Variants in ZNF723 observed in about 807,000 individuals in gnomAD.
ZNF723 encodes the protein zinc finger protein 723, pseudogene.
In ZNF723, 5 loss-of-function variants were observed where a neutral mutation model predicts 9.4. That is an observed-to-expected ratio of 0.53 (90% CI 0.28 to 1.12). The LOEUF (loss-of-function observed/expected upper bound fraction) is 1.12. ZNF723 is among the 50% of genes most tolerant of loss of function. The pLI, the probability that ZNF723 is intolerant of heterozygous loss-of-function variation, is 0.10. For synonymous variants in ZNF723, 158 were observed against 168.8 expected (o/e 0.94, Z 0.49); for missense variants, 450 against 501.5 (o/e 0.90, Z 0.98).
At chr19:22,844,009 C>T (rs1168637611) in intron 1 of ZNF723, among the ~76,000 whole-genome samples, 1 of 152,168 alleles carries the variant, frequency 6.6e-6, no homozygotes, top group Non-Finnish European at 1.5e-5. Flanking sequence ...TTCAGATTCA[C>T]TCTATTTGGG....
intron 1 of ZNF723, among the ~76,000 whole-genome samples, chr19:22,837,951 A>G (rs1296483734): frequency 1.3e-5 from 2 of 152,116 alleles, no homozygotes; most frequent in Non-Finnish European, 2.9e-5. Flanking sequence ...ACCTGCCTGC[A>G]TGGACCCAGA....
At chr19:22,832,529 C>G (rs1967110128) in intron 1 of ZNF723, 147 bp downstream of exon 1, 1 of 952,792 alleles carries the variant, frequency 1.0e-6, no homozygotes, top group African/African-American at 1.6e-5. Context: ...CAGACACCTT[C>G]AGCGATAAGA....
chr19:22,816,823 C>A, the ZNF723 span, among the ~76,000 whole-genome samples: 1 of 152,248 alleles, frequency 6.6e-6, no homozygotes, highest in Non-Finnish European at 1.5e-5. Context: ...CTGAGTCCAG[C>A]ACCCAGGTGA....
chr19:22,832,840 T>G (rs1004059578), intron 1 of ZNF723, among the ~76,000 whole-genome samples: 5 of 152,206 alleles, frequency 3.3e-5, no homozygotes, highest in African/African-American at 1.2e-4. Context: ...AGCACCCCTA[T>G]GGGTTGTAGT....
chr19:22,824,562 T>C, the ZNF723 span, among the ~76,000 whole-genome samples: 1 of 152,186 alleles, frequency 6.6e-6, no homozygotes, highest in Non-Finnish European at 1.5e-5. Context: ...CGTCTGTTAC[T>C]TGCATGAAAG....
chr19:22,851,346 A>G (rs1316544910), intron 3 of ZNF723, among the ~76,000 whole-genome samples: 1 of 151,764 alleles, frequency 6.6e-6, no homozygotes, highest in Admixed American at 6.6e-5. Flanking sequence ...TAATTTTTCT[A>G]TTTTTAGTAG....
Position 22,858,451 on chromosome 19 carries a change from T to C in ZNF723, c.*18T>C. On this transcript the variant is annotated 3_prime_UTR_variant, in exon 4 of 4. Coordinates refer to ENST00000600766, the MANE Select transcript of ZNF723 (RefSeq NM_001349726.2). ...AGATGTGACAATGCTTTTTATGAAA[T>C]CCCAAACTTTTTTAAACATAAAAGA... 1.5e-6 allele frequency: 1 copy of C among 653,810 alleles called. No homozygotes were observed. 40.5% of individuals were successfully genotyped at this position (653,810 alleles called of 1,614,324 possible).
the ZNF723 span, among the ~76,000 whole-genome samples, chr19:22,820,517 T>G: frequency 6.6e-6 from 1 of 152,184 alleles, no homozygotes; most frequent in African/African-American, 2.4e-5. Context: ...CCTGCTTCCT[T>G]CCTATCCACA....
rs898699940 is a variant in ZNF723, at chr19:22,857,701, A to C, written c.810A>C (p.Ser270=). Residue 270 remains serine (S), a synonymous_variant, in exon 4 of 4, where the codon TCA becomes TCC. Coordinates refer to ENST00000600766, the MANE Select transcript of ZNF723 (RefSeq NM_001349726.2). ...GTGGCAAAACCTTTAATATGTTCTC[A>C]AGCCTTAATAATCATAAGAGAATTC... ...EECGKTFNMF[S]SLNNHKRIHT... The C allele has an allele frequency of 9.5e-5, 121 of 1,268,166 alleles. 1 individual carries two copies. The highest frequency in any genetic ancestry group is 5.5e-5 in the Non-Finnish European group (48 of 865,332). The allele number at this position is 1,268,166 out of a possible 1,614,324, so 78.6% of individuals were successfully genotyped here. A position where few individuals can be genotyped will look rare whatever the true frequency, so the allele number is the denominator to read the frequency against.
chr19:22,834,073 G>A (rs146231753), intron 1 of ZNF723, among the ~76,000 whole-genome samples: 2 of 150,620 alleles, frequency 1.3e-5, no homozygotes, highest in East Asian at 2.0e-4. Flanking sequence ...ACACCACCAC[G>A]CCCGGCTAAT....
At chr19:22,853,376 T>C (rs907806693) in intron 3 of ZNF723, among the ~76,000 whole-genome samples, 1 of 152,146 alleles carries the variant, frequency 6.6e-6, no homozygotes, top group Admixed American at 6.5e-5. Context: ...TAGTTAAATA[T>C]CATTAAATCT....
intron 1 of ZNF723, among the ~76,000 whole-genome samples, chr19:22,846,279 T>G (rs1967308274): frequency 6.6e-6 from 1 of 152,136 alleles, no homozygotes; most frequent in Admixed American, 6.6e-5. Context: ...AGGCTCCATT[T>G]GTGTTCCCCA....
Position 22,858,084 on chromosome 19 carries a change from A to C in ZNF723, c.1193A>C (p.Lys398Thr). 6.7e-7 allele frequency: 1 copy of C among 1,503,018 alleles called. No individual in the cohort carries two copies. The highest frequency in any genetic ancestry group is 9.3e-7 in the Non-Finnish European group (1 of 1,079,942). 93.1% of individuals were successfully genotyped at this position (1,503,018 alleles called of 1,614,324 possible). The change falls in exon 4 of 4, where the codon AAA (lysine) becomes ACA (threonine). Residue 398 changes from lysine to threonine, a missense_variant. Physicochemically the swap from Lys to Thr is moderately conservative, Grantham distance 78. Around this residue, in one of 5 missense-constraint regions of ZNF723, gnomAD observed 237 missense variants for 332.2 expected, o/e 0.71. Coordinates refer to ENST00000600766, the MANE Select transcript of ZNF723 (RefSeq NM_001349726.2). ...KRIHTGEKPY[K>T]CEECGKAFNQ... ...ATTCATACTGGAGAGAAACCCTACA[A>C]ATGTGAAGAATGTGGCAAAGCCTTT...
At chr19:22,834,238 A>AT (rs1355534810) in intron 1 of ZNF723, among the ~76,000 whole-genome samples, 7 of 151,988 alleles carry the variant, frequency 4.6e-5, no homozygotes, top group Admixed American at 1.3e-4. Context: ...TTGATAATGT[A>AT]TTTTAATTAA....
chr19:22,815,341 T>TA, the ZNF723 span, among the ~76,000 whole-genome samples: 2,655 of 152,236 alleles, frequency 0.017, 65 homozygotes, highest in African/African-American at 0.061. Flanking sequence ...TGTTGTGATA[T>TA]ATCACTGGAC....
intron 1 of ZNF723, among the ~76,000 whole-genome samples, 200 bp downstream of exon 1, chr19:22,832,582 C>T (rs537552253): frequency 6.6e-5 from 10 of 152,288 alleles, no homozygotes; most frequent in African/African-American, 2.4e-4. Context: ...CTTGTCTCTT[C>T]CCTGGCAGTG....
chr19:22,852,565 T>A (rs1967412333), intron 3 of ZNF723, among the ~76,000 whole-genome samples: 1 of 152,210 alleles, frequency 6.6e-6, no homozygotes, highest in African/African-American at 2.4e-5. Flanking sequence ...AGTTTTAGCA[T>A]CTATTTGTGA....
upstream of ZNF723, among the ~76,000 whole-genome samples, chr19:22,829,472 A>G (rs1383273575): frequency 6.6e-6 from 1 of 151,946 alleles, no homozygotes; most frequent in Non-Finnish European, 1.5e-5. Context: ...TTTTGTAGAG[A>G]CAGAGTTTTA....
chr19:22,844,959 T>C, intron 1 of ZNF723, among the ~76,000 whole-genome samples: 1 of 151,606 alleles, frequency 6.6e-6, no homozygotes, highest in East Asian at 1.9e-4. Flanking sequence ...CTACTAAAAA[T>C]AGAAAAAAAA....
Sources: gnomAD v4.1 joint callset for allele counts (sites outside exome capture counted in the v4.1 genomes callset) on GRCh38, gnomAD v4.1.1 for gene constraint, gnomAD v4.1.1 regional missense constraint, MANE v1.5 for transcripts, NCBI Gene and HGNC (gene_info 2026-07-23, HGNC 2026-07-21) for gene names.